PSPC1: variants seen among roughly 807,000 people sequenced by gnomAD.
PSPC1 encodes paraspeckle component 1.
A neutral mutation model predicts 51.6 loss-of-function variants in PSPC1; 14 were observed. That is an observed-to-expected ratio of 0.27 (90% confidence interval 0.18 to 0.42). PSPC1 has a LOEUF of 0.42. Ranked by LOEUF, PSPC1 falls within the 10% of genes least tolerant of loss-of-function variation. PSPC1 has a pLI of 1.00. For missense variants in PSPC1, 406 were observed against 701.1 expected (o/e 0.58, Z 4.75); for synonymous variants, 193 against 231.9 (o/e 0.83, Z 1.53).
intron 6 of PSPC1, among the ~76,000 whole-genome samples, chr13:19,683,162 T>A (rs538448434): frequency 2.0e-5 from 3 of 152,238 alleles, no homozygotes; most frequent in East Asian, 3.9e-4. Flanking sequence ...GCAATACTGA[T>A]CCTAGGAATT....
chr13:19,686,381 G>A (rs1877878283), intron 6 of PSPC1, among the ~76,000 whole-genome samples: 1 of 152,154 alleles, frequency 6.6e-6, no homozygotes, highest in African/African-American at 2.4e-5. Context: ...TATCCAGGTT[G>A]TCAACATTTC....
intron 5 of PSPC1, among the ~76,000 whole-genome samples, chr13:19,734,755 T>C (rs1022064487): frequency 3.2e-4 from 49 of 152,016 alleles, no homozygotes; most frequent in African/African-American, 1.1e-3. Flanking sequence ...TGAGTCAAGA[T>C]TGCACCACTG....
chr13:19,695,004 T>A (rs1879037129), intron 6 of PSPC1, among the ~76,000 whole-genome samples: 1 of 152,202 alleles, frequency 6.6e-6, no homozygotes, highest in East Asian at 1.9e-4. Flanking sequence ...CACTTCAAAC[T>A]GCAAGAAACT....
intron 4 of PSPC1, among the ~76,000 whole-genome samples, chr13:19,749,387 G>T (rs1339900894): frequency 6.6e-6 from 1 of 151,636 alleles, no homozygotes; most frequent in Non-Finnish European, 1.5e-5. Context: ...GGGCGTGGTA[G>T]CACGCACCTG....
chr13:19,739,661 G>T (rs4238141), intron 5 of PSPC1, among the ~76,000 whole-genome samples: 141,351 of 152,014 alleles, frequency 0.93, 66,628 homozygotes, highest in East Asian at 1. Context: ...GAGAATCACT[G>T]GGACCTGGGA....
At chr13:19,671,831 C>T, downstream of PSPC1, 3 of 1,613,996 alleles carry the variant, frequency 1.9e-6, no homozygotes, top group Non-Finnish European at 8.5e-7. Flanking sequence ...TTTCTTTCAA[C>T]AGGTTAAGTT....
chr13:19,747,118 A>C (rs1055481278), intron 4 of PSPC1, among the ~76,000 whole-genome samples: 3 of 152,126 alleles, frequency 2.0e-5, no homozygotes, highest in African/African-American at 7.2e-5. Context: ...CAAAAAAATA[A>C]AAAAAAATCA....
chr13:19,701,156 T>C (rs545568551), downstream of PSPC1, among the ~76,000 whole-genome samples: 2 of 151,900 alleles, frequency 1.3e-5, no homozygotes, highest in Non-Finnish European at 2.9e-5. Flanking sequence ...CATCTTTTTG[T>C]GCACTGGCCT....
At chr13:19,692,282 C>G (rs1303399756) in intron 6 of PSPC1, among the ~76,000 whole-genome samples, 1 of 152,092 alleles carries the variant, frequency 6.6e-6, no homozygotes, top group African/African-American at 2.4e-5. Flanking sequence ...CGTCACCATG[C>G]CCGGCTACTC....
chr13:19,718,151 A>G (rs1328100940), intron 6 of PSPC1, among the ~76,000 whole-genome samples: 1 of 152,226 alleles, frequency 6.6e-6, no homozygotes, highest in Non-Finnish European at 1.5e-5. Context: ...GAATGCTTGG[A>G]AAACTTAACA....
chr13:19,704,350 A>G (rs1342013606), intron 8 of PSPC1, among the ~76,000 whole-genome samples: 1 of 152,252 alleles, frequency 6.6e-6, no homozygotes, highest in African/African-American at 2.4e-5. Flanking sequence ...AAAAAATCCA[A>G]CTGCCAGCAT....
chr13:19,750,783 T>G (rs1886463888), intron 4 of PSPC1, among the ~76,000 whole-genome samples: 1 of 12,340 alleles, frequency 8.1e-5, no homozygotes, highest in African/African-American at 9.3e-5. Context: ...TTTTAATTTT[T>G]TTTTTGAGAC....
rs115358373 is a variant in PSPC1, at chr13:19,750,647, A to C, written c.967+624T>G. On this transcript the variant is annotated intron_variant, in intron 4 of 8. Transcript: ENST00000338910. ...TCAAACAAAAAATCCTGTATGTGCC[A>C]TGTCTACCTACCAAAATTTGCCTGC... Among the ~76,000 whole-genome samples, 746 of 152,198 alleles carry C rather than the reference A, an allele frequency of 4.9e-3. 7 individuals carry two copies. The highest frequency in any genetic ancestry group is 0.017 in the African/African-American group (693 of 41,554).
chr13:19,690,935 C>T (rs1319547119), intron 6 of PSPC1, among the ~76,000 whole-genome samples: 10 of 152,292 alleles, frequency 6.6e-5, no homozygotes, highest in Middle Eastern at 3.4e-3. Flanking sequence ...TTTCTTTATG[C>T]ACTTTCTTTT....
At chr13:19,695,604 G>A (rs1390389722) in intron 6 of PSPC1, among the ~76,000 whole-genome samples, 1 of 152,124 alleles carries the variant, frequency 6.6e-6, no homozygotes, top group East Asian at 1.9e-4. Flanking sequence ...GGTAATGCTA[G>A]AGCCGTTAAA....
chr13:19,779,281 G>GC (rs1370228381), intron 1 of PSPC1, among the ~76,000 whole-genome samples: 2 of 85,544 alleles, frequency 2.3e-5, no homozygotes, highest in Non-Finnish European at 5.3e-5. Context: ...GAGGGAGGTG[G>GC]GGGGGGTCAG....
Position 19,740,457 on chromosome 13 carries a change from A to G in PSPC1, c.1052+1108T>C, listed in dbSNP as rs185781030. Reference sequence around the variant, plus strand: ...CATCAAAATATACAGAATATCACCTATCTGTAGACCAGAGAAGCTTCAAAT... The same window carrying G: ...CATCAAAATATACAGAATATCACCTGTCTGTAGACCAGAGAAGCTTCAAAT... On this transcript the variant is annotated intron_variant, in intron 5 of 8. Transcript: ENST00000338910. Among the ~76,000 whole-genome samples the G allele has an allele frequency of 3.9e-3, 587 of 152,318 alleles. 4 individuals carry two copies. Among genetic ancestry groups the G allele is most frequent in the South Asian group, 8.5e-3 (41 of 4,826 alleles).
chr13:19,753,966 T>C (rs1295691804), intron 3 of PSPC1, among the ~76,000 whole-genome samples: 1 of 152,082 alleles, frequency 6.6e-6, no homozygotes, highest in Non-Finnish European at 1.5e-5. Context: ...CTGACTATAT[T>C]TTTAAATTAT....
At chr13:19,731,276 A>AAAAATCTATAT (rs1264738863) in intron 5 of PSPC1, among the ~76,000 whole-genome samples, 1 of 152,202 alleles carries the variant, frequency 6.6e-6, no homozygotes, top group African/African-American at 2.4e-5. Flanking sequence ...AGTAATATTG[A>AAAAATCTATAT]AGTAACAGAC....
Sources: allele counts gnomAD v4.1 joint callset (sites outside exome capture counted in the v4.1 genomes callset), GRCh38; gene constraint gnomAD v4.1.1; transcripts MANE v1.5; gene names NCBI Gene and HGNC (gene_info 2026-07-23, HGNC 2026-07-21).